REEP1: variants seen among roughly 807,000 people sequenced by gnomAD.
REEP1 encodes receptor accessory protein 1, also known as receptor expression-enhancing protein 1.
REEP1 carries 22 observed loss-of-function variants against 40.3 expected under a neutral mutation model. That is an observed-to-expected ratio of 0.55 (90% confidence interval 0.39 to 0.78). REEP1 has a LOEUF of 0.78. Ranked by LOEUF, REEP1 falls within the 30% of genes least tolerant of loss-of-function variation. The probability of loss-of-function intolerance (pLI) is 0.00; values close to 1 mark genes in which losing one functional copy is unlikely to be tolerated. For missense variants in REEP1, 280 were observed against 361.1 expected (o/e 0.78, Z 1.82); for synonymous variants, 116 against 139.2 (o/e 0.83, Z 1.17).
At chr2:86,279,241 AG>A in intron 2 of REEP1, among the ~76,000 whole-genome samples, 1 of 152,226 alleles carries the variant, frequency 6.6e-6, no homozygotes, top group Non-Finnish European at 1.5e-5. Flanking sequence ...TTGGGTGTTG[AG>A]ATTACAGCGC....
chr2:86,225,093 AGCGTCTAGTGCCCGGT>A (rs1295480980), intron 7 of REEP1, among the ~76,000 whole-genome samples: 1 of 152,226 alleles, frequency 6.6e-6, no homozygotes, highest in Non-Finnish European at 1.5e-5. Context: ...CCACCAGGCC[AGCGTCTAGTGCCCGGT>A]GCTGGAAACA....
At chr2:86,267,766 C>T (rs1046159504) in intron 2 of REEP1, among the ~76,000 whole-genome samples, 1 of 151,818 alleles carries the variant, frequency 6.6e-6, no homozygotes, top group Non-Finnish European at 1.5e-5. Flanking sequence ...AAAAACACAA[C>T]CCACAAAATG....
chr2:86,312,387 C>G (rs146052777), intron 1 of REEP1, among the ~76,000 whole-genome samples: 12 of 152,194 alleles, frequency 7.9e-5, no homozygotes, highest in Non-Finnish European at 1.6e-4. Context: ...TTCAACGATT[C>G]TTCCTGCTTG....
At chr2:86,308,268 G>A (rs80271766) in intron 1 of REEP1, among the ~76,000 whole-genome samples, 2,336 of 152,316 alleles carry the variant, frequency 0.015, 38 homozygotes, top group South Asian at 0.053. Flanking sequence ...ACAGAAAAAA[G>A]GGGGCAAGCA....
At chr2:86,219,002 CAGAG>C (rs374432628) in intron 8 of REEP1, among the ~76,000 whole-genome samples, 46 of 152,322 alleles carry the variant, frequency 3.0e-4, no homozygotes, top group African/African-American at 1.1e-3. Flanking sequence ...CCTTAGGAAG[CAGAG>C]AGAAAGACTG....
chr2:86,252,815 G>C (rs1337302237), intron 4 of REEP1, among the ~76,000 whole-genome samples: 4 of 152,216 alleles, frequency 2.6e-5, no homozygotes, highest in Non-Finnish European at 4.4e-5. Flanking sequence ...TCAGAAATTA[G>C]AAGTCATCCA....
In REEP1 at chr2:86,230,009, C is replaced by T. The variant is rs374845863; in HGVS notation, c.596-2611G>A. On this transcript the variant is annotated intron_variant, in intron 6 of 8. Coordinates refer to ENST00000538924, the MANE Select transcript of REEP1 (RefSeq NM_001371279.1). ...GCCTCCCTGCTGGGTTGCACCTTTC[C>T]TCTTTGCCCCCTGTGGTCATAGGTG... 1.3e-4 allele frequency among the ~76,000 whole-genome samples: 20 copies of T among 152,308 alleles called. 1 individual carries two copies. In the East Asian group the frequency reaches 3.5e-3, roughly 26 times the overall value.
chr2:86,267,096 G>T (rs946399184), intron 2 of REEP1, among the ~76,000 whole-genome samples: 1 of 152,132 alleles, frequency 6.6e-6, no homozygotes, highest in African/African-American at 2.4e-5. Context: ...AGGAATTTGA[G>T]ATCAGCCAGG....
At chr2:86,246,836 G>A (rs769426985) in intron 5 of REEP1, among the ~76,000 whole-genome samples, 3 of 151,808 alleles carry the variant, frequency 2.0e-5, no homozygotes, top group Non-Finnish European at 4.4e-5. Context: ...CGAGTAGCTA[G>A]GATTACAGGC....
intron 5 of REEP1, among the ~76,000 whole-genome samples, chr2:86,246,378 A>G (rs1234046802): frequency 6.6e-6 from 1 of 152,258 alleles, no homozygotes; most frequent in Non-Finnish European, 1.5e-5. Context: ...CTGCAAGAGA[A>G]GAATCCCTAA....
At chr2:86,324,139 C>T (rs538341431) in intron 1 of REEP1, among the ~76,000 whole-genome samples, 18 of 148,612 alleles carry the variant, frequency 1.2e-4, no homozygotes, top group East Asian at 7.9e-4. Flanking sequence ...AAACTATAAA[C>T]GAAAAAAAAA....
At chr2:86,302,732 A>T (rs1170677713) in intron 1 of REEP1, among the ~76,000 whole-genome samples, 1 of 152,246 alleles carries the variant, frequency 6.6e-6, no homozygotes, top group African/African-American at 2.4e-5. Flanking sequence ...AATGCAAGAT[A>T]CACAGTAACT....
chr2:86,282,308 T>C, intron 1 of REEP1, 66 bp from the exon 2 acceptor site: 1 of 1,212,124 alleles, frequency 8.2e-7, no homozygotes, highest in Admixed American at 1.7e-5. Flanking sequence ...AAAATGTCTG[T>C]CTTCAATGCC....
chr2:86,325,978 C>T (rs1167423269), intron 1 of REEP1, among the ~76,000 whole-genome samples: 2 of 152,180 alleles, frequency 1.3e-5, no homozygotes, highest in East Asian at 3.9e-4. Context: ...AGTGTCCCCC[C>T]GGTAGGAAGA....
chr2:86,246,688 TTTC>T (rs1445225293), intron 5 of REEP1, among the ~76,000 whole-genome samples: 1 of 124,248 alleles, frequency 8.0e-6, no homozygotes, highest in Non-Finnish European at 1.6e-5. Context: ...TCTTTCTCTC[TTTC>T]TTTTTTTTTC....
intron 1 of REEP1, among the ~76,000 whole-genome samples, chr2:86,288,315 C>A (rs772536196): frequency 6.6e-6 from 1 of 152,200 alleles, no homozygotes; most frequent in Non-Finnish European, 1.5e-5. Context: ...AGCCACAGCA[C>A]CCAGCCTAAA....
At chr2:86,234,716 C>T (rs1194454295) in intron 5 of REEP1, among the ~76,000 whole-genome samples, 1 of 152,152 alleles carries the variant, frequency 6.6e-6, no homozygotes, top group Non-Finnish European at 1.5e-5. Flanking sequence ...TGAAAAAAGA[C>T]AGAAATCACC....
At chr2:86,235,208 C>G (rs1273602859) in intron 5 of REEP1, among the ~76,000 whole-genome samples, 1 of 152,178 alleles carries the variant, frequency 6.6e-6, no homozygotes, top group Non-Finnish European at 1.5e-5. Flanking sequence ...TGTACAGATA[C>G]AACACAGAAG....
At chr2:86,235,684 GAA>G (rs1675281922) in intron 5 of REEP1, among the ~76,000 whole-genome samples, 1 of 152,214 alleles carries the variant, frequency 6.6e-6, no homozygotes, top group Admixed American at 6.5e-5. Flanking sequence ...ATATGTGAGA[GAA>G]AGCAACAGCA....
Sources: gnomAD v4.1 joint callset for allele counts (sites outside exome capture counted in the v4.1 genomes callset) on GRCh38, gnomAD v4.1.1 for gene constraint, MANE v1.5 for transcripts, NCBI Gene and HGNC (gene_info 2026-07-23, HGNC 2026-07-21) for gene names.